The following TAOK1 variants were observed in gnomAD, a reference collection of about 807,000 sequenced individuals.
TAOK1 encodes the protein serine/threonine-protein kinase TAO1.
A neutral mutation model predicts 138.3 loss-of-function variants in TAOK1; 21 were observed. The ratio of observed to expected loss-of-function variants is 0.15; its 90% CI spans 0.11 to 0.22. The LOEUF (loss-of-function observed/expected upper bound fraction) is 0.22, where lower values mean the gene tolerates loss of function less well. TAOK1 is among the 10% of genes least tolerant of loss of function. The pLI is 1.00. For missense variants in TAOK1, 651 were observed against 1,227.7 expected (o/e 0.53, Z 7.02); for synonymous variants, 361 against 398.4 (o/e 0.91, Z 1.12).
intron 14 of TAOK1, among the ~76,000 whole-genome samples, chr17:29,509,807 G>C (rs912840650): frequency 4.6e-5 from 7 of 151,750 alleles, no homozygotes; most frequent in African/African-American, 1.7e-4. Context: ...GAGGTGGGAA[G>C]ATCACTTGAG....
At chr17:29,406,936 C>A (rs1025966711) in intron 1 of TAOK1, among the ~76,000 whole-genome samples, 1 of 152,114 alleles carries the variant, frequency 6.6e-6, no homozygotes, top group African/African-American at 2.4e-5. Context: ...GAAGTGTAAG[C>A]CTGTTGAATT....
rs575396225 is a variant in TAOK1 at position 29,525,428 on chromosome 17, CAG to C, written c.2148+2912_2148+2913del. Among the ~76,000 whole-genome samples the C allele has an allele frequency of 2.7e-3, 409 of 151,620 alleles. 1 individual carries two copies. Among genetic ancestry groups the C allele is most frequent in the South Asian group, 0.011 (55 of 4,792 alleles). The stretch of plus-strand genomic sequence containing the variant: ...GCCCGACCTTGTTTTCTTTCTGAAA[CAG>C]AGTTTCGCTCTTGTCGCCTAGGCTG... On this transcript the variant is annotated intron_variant, in intron 17 of 19. Coordinates refer to ENST00000261716, the MANE Select transcript of TAOK1 (RefSeq NM_020791.4).
intron 1 of TAOK1, among the ~76,000 whole-genome samples, chr17:29,397,712 T>TACATGTATACATGTATATTCATGTATG (rs1904693835): frequency 1.5e-5 from 1 of 65,800 alleles, no homozygotes; most frequent in Admixed American, 1.6e-4. Flanking sequence ...CATACATGAA[T>TACATGTATACATGTATATTCATGTATG]ATACATGTAT....
chr17:29,491,755 T>C, intron 9 of TAOK1, 29 bp from the exon 10 acceptor site: 1 of 1,498,472 alleles, frequency 6.7e-7, no homozygotes, highest in Non-Finnish European at 9.3e-7. Context: ...AATAGCAATG[T>C]GTTCACTTGA....
chr17:29,533,167 C>T (rs1335638015), intron 18 of TAOK1, among the ~76,000 whole-genome samples: 3 of 115,316 alleles, frequency 2.6e-5, no homozygotes, highest in East Asian at 2.6e-4. Context: ...CAGATGGGGT[C>T]GCGGCCGGGC....
At chr17:29,474,817 T>C (rs150061077) in intron 3 of TAOK1, among the ~76,000 whole-genome samples, 1 of 151,120 alleles carries the variant, frequency 6.6e-6, no homozygotes, top group Non-Finnish European at 1.5e-5. Context: ...GTAGACTTGC[T>C]TTGACACAGG....
chr17:29,495,210 CA>C (rs1458546802), intron 10 of TAOK1, among the ~76,000 whole-genome samples: 2 of 152,184 alleles, frequency 1.3e-5, no homozygotes, highest in Non-Finnish European at 2.9e-5. Context: ...AAATATGACT[CA>C]GAGCTGAACA....
intron 11 of TAOK1, among the ~76,000 whole-genome samples, chr17:29,496,816 C>G (rs1307704874): frequency 6.6e-6 from 1 of 151,828 alleles, no homozygotes; most frequent in Non-Finnish European, 1.5e-5. Flanking sequence ...CATCTCCTGG[C>G]CTCAAGTGAT....
At chr17:29,467,433 C>A (rs1384589761) in intron 3 of TAOK1, among the ~76,000 whole-genome samples, 1 of 152,106 alleles carries the variant, frequency 6.6e-6, no homozygotes, top group East Asian at 1.9e-4. Context: ...GCCACCACGC[C>A]CAGCTAATTT....
At chr17:29,536,783 T>A (rs912394597) in intron 19 of TAOK1, among the ~76,000 whole-genome samples, 1 of 146,900 alleles carries the variant, frequency 6.8e-6, no homozygotes, top group African/African-American at 2.5e-5. Context: ...CACTGCAAGC[T>A]CCACCTCCCG....
rs564925966 is a variant in TAOK1 at position 29,536,943 on chromosome 17, G to A, written c.2544+2643G>A. Among the ~76,000 whole-genome samples, 8 of 152,052 alleles carry A rather than the reference G, an allele frequency of 5.3e-5. No homozygotes were observed. The East Asian group carries it at 7.8e-4, about 15-fold the overall frequency. On this transcript the variant is annotated intron_variant, in intron 19 of 19. Transcript: ENST00000261716. Reference sequence around the variant, plus strand: ...TCTCGATCTCCTGACCTCGTGATCCGCCTGCCTCGGCCTCCCAAAATGCTG... The same window carrying A: ...TCTCGATCTCCTGACCTCGTGATCCACCTGCCTCGGCCTCCCAAAATGCTG...
chr17:29,396,253 C>G (rs1904596707), intron 1 of TAOK1, among the ~76,000 whole-genome samples: 1 of 152,050 alleles, frequency 6.6e-6, no homozygotes, highest in Non-Finnish European at 1.5e-5. Context: ...CTATTTGTGC[C>G]AGAAGCAGAC....
At chr17:29,505,039 A>G (rs2153028974) in intron 13 of TAOK1, among the ~76,000 whole-genome samples, 1 of 152,352 alleles carries the variant, frequency 6.6e-6, no homozygotes, top group South Asian at 2.1e-4. Context: ...AAATCAATTA[A>G]GGACATTTTA....
intron 1 of TAOK1, among the ~76,000 whole-genome samples, chr17:29,428,544 A>C (rs898651872): frequency 1.3e-5 from 2 of 152,220 alleles, no homozygotes; most frequent in African/African-American, 4.8e-5. Flanking sequence ...GTTACTTAGT[A>C]GCTATATGAT....
At position 29,531,475 on chromosome 17, in the gene TAOK1, GATA is replaced by G. The variant is rs530923424; in HGVS notation, c.2361+858_2361+860del. Among the ~76,000 whole-genome samples the G allele has an allele frequency of 6.7e-3, 90 of 13,508 alleles. No individual in the cohort carries two copies. In the East Asian group the frequency reaches 0.13, roughly 19 times the overall value. 8.9% of individuals were successfully genotyped at this position (13,508 alleles called of 152,430 possible). A position where few individuals can be genotyped will look rare whatever the true frequency, so the allele number is the denominator to read the frequency against. On this transcript the variant is annotated intron_variant, in intron 18 of 19. Coordinates refer to ENST00000261716, the MANE Select transcript of TAOK1 (RefSeq NM_020791.4). The stretch of plus-strand genomic sequence containing the variant: ...TTGTAAACTTTTTTTTAAAGGGCCA[GATA>G]AGGCTGCGCGCCAGTGGCTCACGCC...
chr17:29,467,399 G>T (rs1389268235), intron 3 of TAOK1, among the ~76,000 whole-genome samples, 183 bp downstream of exon 3: 1 of 151,780 alleles, frequency 6.6e-6, no homozygotes, highest in Admixed American at 6.6e-5. Context: ...TCAGCCTCCC[G>T]AGTAGCTGGG....
chr17:29,524,822 G>A (rs376517771), intron 17 of TAOK1, among the ~76,000 whole-genome samples: 1 of 152,092 alleles, frequency 6.6e-6, no homozygotes, highest in East Asian at 1.9e-4. Flanking sequence ...TGGGGGTGGG[G>A]TGCTGTTTCT....
At chr17:29,412,630 T>C (rs1007104808) in intron 1 of TAOK1, among the ~76,000 whole-genome samples, 1 of 152,224 alleles carries the variant, frequency 6.6e-6, no homozygotes, top group African/African-American at 2.4e-5. Context: ...GTCCCTCCCA[T>C]TTAATGCCTA....
chr17:29,420,212 A>AT (rs1490300987), intron 1 of TAOK1, among the ~76,000 whole-genome samples: 1 of 151,502 alleles, frequency 6.6e-6, no homozygotes, highest in Non-Finnish European at 1.5e-5. Context: ...GCCTGGCTTA[A>AT]TTTTTTATTT....
Sources: allele counts gnomAD v4.1 joint callset (sites outside exome capture counted in the v4.1 genomes callset), GRCh38; gene constraint gnomAD v4.1.1; transcripts MANE v1.5; gene names NCBI Gene and HGNC (gene_info 2026-07-23, HGNC 2026-07-21).